Variants in STAU2 observed in about 807,000 individuals in gnomAD.
STAU2 encodes the protein double-stranded RNA-binding protein Staufen homolog 2.
STAU2 carries 20 observed loss-of-function variants against 65.9 expected under a neutral mutation model. The observed-to-expected ratio is 0.30, with a 90% CI of 0.21 to 0.44. The LOEUF is 0.44. Among genes scored for constraint, STAU2 ranks in the 20% least tolerant of loss-of-function variants. STAU2 has a pLI of 1.00. For synonymous variants in STAU2, 232 were observed against 233.9 expected, an observed-to-expected ratio of 0.99 and a Z score of 0.07; for missense variants, 558 against 683.9, an observed-to-expected ratio of 0.82 and a Z score of 2.05.
intron 3 of STAU2, among the ~76,000 whole-genome samples, chr8:73,719,210 T>C (rs1391867529): frequency 6.6e-6 from 1 of 152,184 alleles, no homozygotes; most frequent in Admixed American, 6.5e-5. Context: ...GAGACCATCT[T>C]GGCCAACCTG....
At chr8:73,550,389 A>C in intron 13 of STAU2, 1 of 984,780 alleles carries the variant, frequency 1.0e-6, no homozygotes. Flanking sequence ...AATTTAAAAA[A>C]TTAAGACATT....
chr8:73,634,749 G>C (rs1814368840), intron 6 of STAU2, among the ~76,000 whole-genome samples: 1 of 151,990 alleles, frequency 6.6e-6, no homozygotes, highest in South Asian at 2.1e-4. Flanking sequence ...CTTTACAATG[G>C]CTGATCTCCT....
intron 6 of STAU2, among the ~76,000 whole-genome samples, chr8:73,635,955 T>C (rs1257756086): frequency 3.2e-5 from 3 of 92,730 alleles, no homozygotes; most frequent in African/African-American, 9.5e-5. Flanking sequence ...CACACACCCC[T>C]GGAACCAATT....
chr8:73,471,837 A>AG (rs61028447), intron 13 of STAU2, among the ~76,000 whole-genome samples: 1 of 144,220 alleles, frequency 6.9e-6, no homozygotes, highest in Non-Finnish European at 1.5e-5. Flanking sequence ...AAAAAAAAAA[A>AG]GAGAGAAGAA....
intron 6 of STAU2, among the ~76,000 whole-genome samples, chr8:73,631,999 G>C (rs897555724): frequency 6.8e-5 from 10 of 146,184 alleles, no homozygotes; most frequent in African/African-American, 2.5e-4. Flanking sequence ...AAGAAGGGGG[G>C]AGGAGAGGGA....
At chr8:73,425,492 C>T (rs965676812) in intron 13 of STAU2, among the ~76,000 whole-genome samples, 1 of 152,164 alleles carries the variant, frequency 6.6e-6, no homozygotes, top group Non-Finnish European at 1.5e-5. Context: ...TGATCTTGAA[C>T]TTCTAGCCTC....
chr8:73,530,562 A>G (rs1805748186), intron 13 of STAU2, among the ~76,000 whole-genome samples: 1 of 152,210 alleles, frequency 6.6e-6, no homozygotes, highest in South Asian at 2.1e-4. Context: ...AGGCTGACAT[A>G]TCACTCCCTG....
At position 73,485,063 on chromosome 8, in the gene STAU2, A is replaced by G. The variant is rs889495937; in HGVS notation, c.1531-62361T>C. ...CCCTGTTGTTTGGATTCTATGATGC[A>G]TTCCTCAACCCCAGCAACTGGTATT... On this transcript the variant is annotated intron_variant, in intron 13 of 14. Coordinates refer to ENST00000524300, the MANE Select transcript of STAU2 (RefSeq NM_001164380.2). Among the ~76,000 whole-genome samples, 5 of 150,746 alleles carry G rather than the reference A, an allele frequency of 3.3e-5. No individual in the cohort carries two copies. In the East Asian group the frequency reaches 7.9e-4, roughly 24 times the overall value.
intron 6 of STAU2, among the ~76,000 whole-genome samples, chr8:73,649,946 T>C (rs2130215185): frequency 7.1e-6 from 1 of 140,450 alleles, no homozygotes; most frequent in South Asian, 2.4e-4. Context: ...ACACCCTTCA[T>C]CTAGCTTTCC....
In STAU2 at chr8:73,421,041, CTCTATTA is replaced by C. The variant is rs1816342877; in HGVS notation, c.*324_*330del. On this transcript the variant is annotated 3_prime_UTR_variant, in exon 15 of 15. Transcript: ENST00000524300. Reference sequence around the variant, plus strand: ...ATAACAACAGAACCAAACCCAACTTCTCTATTATTAATCATGTTAAAATTTTAGCTTT... The same window carrying C: ...ATAACAACAGAACCAAACCCAACTTCTTAATCATGTTAAAATTTTAGCTTT... 1 of 220,606 alleles carries C rather than the reference CTCTATTA, an allele frequency of 4.5e-6. No individual in the cohort carries two copies. Among genetic ancestry groups the C allele is most frequent in the Admixed American group, 5.4e-5 (1 of 18,472 alleles). 13.7% of individuals were successfully genotyped at this position (220,606 alleles called of 1,614,324 possible).
chr8:73,554,042 A>G (rs959941177), intron 12 of STAU2, among the ~76,000 whole-genome samples: 6 of 152,022 alleles, frequency 3.9e-5, no homozygotes, highest in African/African-American at 1.2e-4. Context: ...GAAGATCCTA[A>G]CCAATCAGCC....
chr8:73,636,938 A>G (rs1814569693), intron 6 of STAU2, among the ~76,000 whole-genome samples: 1 of 152,034 alleles, frequency 6.6e-6, no homozygotes, highest in Admixed American at 6.6e-5. Flanking sequence ...CTTTTAATGA[A>G]TAAATGTATG....
At chr8:73,563,863 AG>A (rs1435826345) in intron 12 of STAU2, among the ~76,000 whole-genome samples, 1 of 152,226 alleles carries the variant, frequency 6.6e-6, no homozygotes, top group South Asian at 2.1e-4. Context: ...ATGGTAGAAC[AG>A]GAAGTCCCAG....
chr8:73,692,195 TTC>T lies in STAU2; in HGVS notation c.115-3384_115-3383del, dbSNP rs1318956960. Among the ~76,000 whole-genome samples, 20 of 150,294 alleles carry T rather than the reference TTC, an allele frequency of 1.3e-4. No homozygotes were observed. The East Asian group carries it at 3.1e-3, about 24-fold the overall frequency. On this transcript the variant is annotated intron_variant, in intron 4 of 14. Coordinates refer to ENST00000524300, the MANE Select transcript of STAU2 (RefSeq NM_001164380.2). ...TTCTCACACACTTCATCCTACGTACTTCTTTTTTTTTTTTTTCCCCGGAGATG... is the reference window on the plus strand; with the variant it reads ...TTCTCACACACTTCATCCTACGTACTTTTTTTTTTTTTTTCCCCGGAGATG...
intron 12 of STAU2, among the ~76,000 whole-genome samples, chr8:73,558,808 G>C (rs866487884): frequency 7.7e-6 from 1 of 129,306 alleles, no homozygotes; most frequent in Non-Finnish European, 1.8e-5. Context: ...TCACAGAAAA[G>C]CTTTGAAAAA....
intron 13 of STAU2, among the ~76,000 whole-genome samples, chr8:73,470,801 C>T (rs79794701): frequency 0.081 from 11,304 of 139,370 alleles, 853 homozygotes; most frequent in African/African-American, 0.21. Context: ...GAGATCCTGC[C>T]TCTAAAAAAA....
At chr8:73,549,861 G>C in intron 13 of STAU2, 1 of 985,498 alleles carries the variant, frequency 1.0e-6, no homozygotes, top group Non-Finnish European at 1.2e-6. Flanking sequence ...TAACAAGCTG[G>C]TCCTGTAATT....
At chr8:73,547,664 G>C (rs1461800693) in intron 13 of STAU2, among the ~76,000 whole-genome samples, 2 of 152,104 alleles carry the variant, frequency 1.3e-5, no homozygotes, top group Admixed American at 6.6e-5. Context: ...GAATTTTTAA[G>C]ATTTTAATGG....
rs545216128 is a variant in STAU2, at chr8:73,499,268, T to C, written c.1530+52744A>G. ...ATACATCTATGTCCTGTTGTTACTC[T>C]GGAGAACCCTGACTGACACAGGGTG... On this transcript the variant is annotated intron_variant, in intron 13 of 14. Transcript: ENST00000524300. 2.6e-5 allele frequency among the ~76,000 whole-genome samples: 4 copies of C among 151,946 alleles called. No homozygotes were observed. The East Asian group carries it at 7.8e-4, about 30-fold the overall frequency.
Sources: gnomAD v4.1 joint callset for allele counts (sites outside exome capture counted in the v4.1 genomes callset) on GRCh38, gnomAD v4.1.1 for gene constraint, MANE v1.5 for transcripts, NCBI Gene and HGNC (gene_info 2026-07-23, HGNC 2026-07-21) for gene names.